MIPOL1: variants seen among roughly 807,000 people sequenced by gnomAD.
MIPOL1 encodes the protein mirror-image polydactyly gene 1 protein.
MIPOL1 carries 57 observed loss-of-function variants against 60.9 expected under a neutral mutation model. That is an observed-to-expected ratio of 0.94 (90% CI 0.76 to 1.17). MIPOL1 has a LOEUF of 1.17. MIPOL1 is among the 50% of genes most tolerant of loss of function. MIPOL1 has a pLI of 0.00. For missense variants in MIPOL1, 551 were observed against 511.6 expected, an observed-to-expected ratio of 1.08 and a Z score of -0.74; for synonymous variants, 179 against 168.8, an observed-to-expected ratio of 1.06 and a Z score of -0.47.
chr14:37,285,015 G>A (rs949982282), intron 6 of MIPOL1, among the ~76,000 whole-genome samples: 3 of 152,166 alleles, frequency 2.0e-5, no homozygotes, highest in East Asian at 3.9e-4. Context: ...TCAGATGGTT[G>A]TAGAAATATA....
At chr14:37,240,474 A>T (rs1972172319) in intron 1 of MIPOL1, 1 of 152,186 alleles carries the variant, frequency 6.6e-6, no homozygotes. Flanking sequence ...ATGGAAATGT[A>T]AACCTTTGTA....
intron 1 of MIPOL1, among the ~76,000 whole-genome samples, chr14:37,234,910 G>A (rs552872610): frequency 2.6e-5 from 4 of 151,238 alleles, no homozygotes; most frequent in Non-Finnish European, 5.9e-5. Context: ...CGAGTAGCTG[G>A]GACTGCAGGC....
intron 10 of MIPOL1, among the ~76,000 whole-genome samples, chr14:37,417,392 G>A (rs118143175): frequency 0.015 from 2,290 of 152,118 alleles, 24 homozygotes; most frequent in Admixed American, 0.027. Flanking sequence ...CATTATCTCT[G>A]GTCTGATAAA....
At chr14:37,442,105 TGTGTG>T in intron 11 of MIPOL1, among the ~76,000 whole-genome samples, 1 of 151,236 alleles carries the variant, frequency 6.6e-6, no homozygotes, top group African/African-American at 2.4e-5. Flanking sequence ...TGTGTGTGTG[TGTGTG>T]TGTGTGTGTG....
intron 11 of MIPOL1, among the ~76,000 whole-genome samples, chr14:37,453,667 A>G (rs952081616): frequency 6.6e-6 from 1 of 152,152 alleles, no homozygotes; most frequent in African/African-American, 2.4e-5. Context: ...CACTAAAATA[A>G]TTCGTGTCAT....
chr14:37,277,558 T>G (rs1185740470), intron 6 of MIPOL1: 1 of 151,286 alleles, frequency 6.6e-6, no homozygotes, highest in African/African-American at 2.4e-5. Context: ...ATGTGTATAG[T>G]AATCGAGGGT....
At chr14:37,483,918 G>T (rs1182826298) in intron 11 of MIPOL1, among the ~76,000 whole-genome samples, 1 of 152,172 alleles carries the variant, frequency 6.6e-6, no homozygotes, top group East Asian at 1.9e-4. Context: ...TCACAGGTGT[G>T]AGCCGCCACA....
At chr14:37,414,963 T>C (rs1035258637) in intron 10 of MIPOL1, among the ~76,000 whole-genome samples, 2 of 152,120 alleles carry the variant, frequency 1.3e-5, no homozygotes, top group Non-Finnish European at 2.9e-5. Flanking sequence ...TATGTGTAAA[T>C]GGATAAATGC....
At chr14:37,292,812 CT>C (rs2153418755) in intron 7 of MIPOL1, among the ~76,000 whole-genome samples, 1 of 152,186 alleles carries the variant, frequency 6.6e-6, no homozygotes, top group Admixed American at 6.6e-5. Flanking sequence ...GCCTGTTTGC[CT>C]TCTTTGAGCT....
At chr14:37,288,370 A>G (rs2084767215) in intron 7 of MIPOL1, among the ~76,000 whole-genome samples, 1 of 152,138 alleles carries the variant, frequency 6.6e-6, no homozygotes, top group Non-Finnish European at 1.5e-5. Flanking sequence ...GTTTGTCAGG[A>G]ACTGTAATTA....
intron 10 of MIPOL1, among the ~76,000 whole-genome samples, chr14:37,384,999 C>G (rs2093027451): frequency 1.3e-5 from 2 of 151,888 alleles, no homozygotes; most frequent in African/African-American, 2.4e-5. Flanking sequence ...ATACAGTTTT[C>G]TAAAAGAGAA....
intron 10 of MIPOL1, among the ~76,000 whole-genome samples, chr14:37,399,573 A>G (rs1196088337): frequency 1.3e-5 from 2 of 152,172 alleles, no homozygotes; most frequent in Non-Finnish European, 2.9e-5. Context: ...TAAAAATTAA[A>G]CTAGCACTCT....
Position 37,285,452 on chromosome 14 carries a change from G to A in MIPOL1, c.623+5G>A, listed in dbSNP as rs760115916. ...TATGGAAATGTCTCTAAAAGTGTAT[G>A]TACACATTTAAAACTCAGTATGATA... On this transcript the variant is annotated splice_donor_5th_base_variant and intron_variant, in intron 7 of 12. Transcript: ENST00000684589. 2 of 1,612,514 alleles carry A rather than the reference G, an allele frequency of 1.2e-6. No individual in the cohort carries two copies. Among genetic ancestry groups the A allele is most frequent in the Non-Finnish European group, 1.7e-6 (2 of 1,179,272 alleles).
intron 7 of MIPOL1, among the ~76,000 whole-genome samples, chr14:37,299,095 C>A (rs12886473): frequency 6.6e-6 from 1 of 152,038 alleles, no homozygotes; most frequent in Non-Finnish European, 1.5e-5. Flanking sequence ...GGCACATATA[C>A]AGCATGGAAT....
At chr14:37,544,534 T>C (rs1489936835) in intron 12 of MIPOL1, among the ~76,000 whole-genome samples, 1 of 152,180 alleles carries the variant, frequency 6.6e-6, no homozygotes, top group Non-Finnish European at 1.5e-5. Context: ...TTTAAGGACA[T>C]TATTGATTTG....
At chr14:37,337,322 G>T (rs1595213866) in intron 9 of MIPOL1, among the ~76,000 whole-genome samples, 2 of 57,152 alleles carry the variant, frequency 3.5e-5, no homozygotes, top group Admixed American at 4.6e-4. Context: ...TTGTTCATTT[G>T]TAAACATATA....
intron 11 of MIPOL1, among the ~76,000 whole-genome samples, chr14:37,451,802 TTCTC>T (rs1237092416): frequency 2.2e-4 from 28 of 125,798 alleles, no homozygotes; most frequent in African/African-American, 8.6e-4. Context: ...CTTTTGTTTA[TTCTC>T]TCTTTTTTTT....
intron 11 of MIPOL1, among the ~76,000 whole-genome samples, chr14:37,445,149 G>C (rs1595804830): frequency 6.6e-6 from 1 of 152,110 alleles, no homozygotes; most frequent in Non-Finnish European, 1.5e-5. Context: ...CCTGTTTGCA[G>C]ATGACATGAT....
intron 1 of MIPOL1, among the ~76,000 whole-genome samples, chr14:37,232,706 G>A (rs1970823715): frequency 6.6e-6 from 1 of 152,110 alleles, no homozygotes; most frequent in Non-Finnish European, 1.5e-5. Flanking sequence ...ACTTTTCTAA[G>A]ACCAAATTCA....
Sources: allele counts gnomAD v4.1 joint callset (sites outside exome capture counted in the v4.1 genomes callset), GRCh38; gene constraint gnomAD v4.1.1; transcripts MANE v1.5; gene names NCBI Gene and HGNC (gene_info 2026-07-23, HGNC 2026-07-21).